The following PCDH17 variants were observed in gnomAD, a reference collection of about 807,000 sequenced individuals.
The protein encoded by PCDH17 is protocadherin 17.
A neutral mutation model predicts 67.7 loss-of-function variants in PCDH17; 21 were observed. The ratio of observed to expected loss-of-function variants is 0.31; its 90% confidence interval spans 0.22 to 0.45. The LOEUF is 0.45. Ranked by LOEUF, PCDH17 falls within the 20% of genes least tolerant of loss-of-function variation. The probability of loss-of-function intolerance (pLI) is 1.00; values close to 1 mark genes in which losing one functional copy is unlikely to be tolerated. For missense variants in PCDH17, 1,471 were observed against 1,564.8 expected (o/e 0.94, Z 1.01); for synonymous variants, 701 against 656.7 (o/e 1.07, Z -1.03).
intron 3 of PCDH17, among the ~76,000 whole-genome samples, chr13:57,671,445 T>C (rs1955321236): frequency 6.6e-6 from 1 of 151,878 alleles, no homozygotes; most frequent in Admixed American, 6.6e-5. Flanking sequence ...ATAAAACTTT[T>C]TTAAGAGTTT....
In PCDH17 at chr13:57,725,619, G is replaced by A. The variant is rs1377190829; in HGVS notation, c.*325G>A. On this transcript the variant is annotated 3_prime_UTR_variant, in exon 4 of 4. Transcript: ENST00000377918. Reference sequence around the variant, plus strand: ...TTACCTTTTGACAATCTGTTAGGAAGGTATGCAGTGTGAGAACTGAAGTAT... The same window carrying A: ...TTACCTTTTGACAATCTGTTAGGAAAGTATGCAGTGTGAGAACTGAAGTAT... The A allele has an allele frequency of 4.1e-6, 1 of 246,292 alleles. No individual in the cohort carries two copies. Among genetic ancestry groups the A allele is most frequent in the Non-Finnish European group, 7.9e-6 (1 of 126,890 alleles). 15.3% of individuals were successfully genotyped at this position (246,292 alleles called of 1,614,324 possible). A position where few individuals can be genotyped will look rare whatever the true frequency, so the allele number is the denominator to read the frequency against.
intron 3 of PCDH17, 112 bp from the exon 4 acceptor site, chr13:57,724,500 T>G (rs1171068455): frequency 1.3e-6 from 1 of 768,350 alleles, no homozygotes; most frequent in Non-Finnish European, 2.1e-6. Flanking sequence ...TTTTCCTTTT[T>G]AATTAAGAGA....
chr13:57,642,200 T>C (rs1191421589), intron 1 of PCDH17, among the ~76,000 whole-genome samples: 1 of 151,736 alleles, frequency 6.6e-6, no homozygotes, highest in Non-Finnish European at 1.5e-5. Context: ...TTTTAAACTT[T>C]TAATGTTTTT....
chr13:57,691,196 T>A (rs911692798), intron 3 of PCDH17, among the ~76,000 whole-genome samples: 4 of 151,360 alleles, frequency 2.6e-5, no homozygotes, highest in Non-Finnish European at 3.0e-5. Flanking sequence ...TGTTATTAAG[T>A]GAAAGAAATA....
chr13:57,632,539 G>A lies in PCDH17; in HGVS notation c.-8G>A, dbSNP rs1265269772. 1 of 1,611,714 alleles carries A rather than the reference G, an allele frequency of 6.2e-7. No homozygotes were observed. Among genetic ancestry groups the A allele is most frequent in the Non-Finnish European group, 8.5e-7 (1 of 1,178,886 alleles). On this transcript the variant is annotated 5_prime_UTR_variant, in exon 1 of 4. Coordinates refer to ENST00000377918, the MANE Select transcript of PCDH17 (RefSeq NM_001040429.3). Reference sequence around the variant, plus strand: ...CGATTGCTCCTGCCCCCACCTTACAGGTCTGGGATGTACCTTTCCATCTGT... The same window carrying A: ...CGATTGCTCCTGCCCCCACCTTACAAGTCTGGGATGTACCTTTCCATCTGT...
intron 3 of PCDH17, among the ~76,000 whole-genome samples, chr13:57,689,165 G>A (rs1305581488): frequency 6.6e-6 from 1 of 151,970 alleles, no homozygotes. Context: ...AACTTTTTCT[G>A]AGTACAAATG....
At chr13:57,655,823 A>G (rs1446969736) in intron 1 of PCDH17, among the ~76,000 whole-genome samples, 1 of 152,110 alleles carries the variant, frequency 6.6e-6, no homozygotes, top group African/African-American at 2.4e-5. Context: ...CTTGGTATTA[A>G]GGGGGATAGT....
intron 1 of PCDH17, among the ~76,000 whole-genome samples, chr13:57,665,238 A>T (rs959840034): frequency 5.3e-5 from 7 of 131,080 alleles, no homozygotes; most frequent in Non-Finnish European, 8.0e-5. Context: ...TTCTTTAATG[A>T]TATCAAATAA....
intron 3 of PCDH17, among the ~76,000 whole-genome samples, chr13:57,719,620 C>T (rs1955856726): frequency 6.6e-6 from 1 of 151,996 alleles, no homozygotes; most frequent in Non-Finnish European, 1.5e-5. Context: ...TAAGTGGTCA[C>T]AAATTACTTT....
intron 3 of PCDH17, among the ~76,000 whole-genome samples, chr13:57,690,313 T>G (rs1232007437): frequency 6.6e-6 from 1 of 151,840 alleles, no homozygotes; most frequent in Non-Finnish European, 1.5e-5. Flanking sequence ...CATATCCTTT[T>G]ATTGGAACAC....
chr13:57,683,044 C>T (rs1203819448), intron 3 of PCDH17, among the ~76,000 whole-genome samples: 1 of 151,802 alleles, frequency 6.6e-6, no homozygotes, highest in African/African-American at 2.4e-5. Context: ...TCTAAGGTTA[C>T]TAGAGCTTTT....
At chr13:57,691,865 G>A (rs1955562320) in intron 3 of PCDH17, among the ~76,000 whole-genome samples, 1 of 151,084 alleles carries the variant, frequency 6.6e-6, no homozygotes, top group Non-Finnish European at 1.5e-5. Flanking sequence ...TTATTGTTAT[G>A]CTGACTAATA....
intron 1 of PCDH17, among the ~76,000 whole-genome samples, chr13:57,648,878 A>G (rs1955001170): frequency 1.3e-5 from 2 of 152,100 alleles, no homozygotes; most frequent in Admixed American, 6.6e-5. Flanking sequence ...TTGCCAGTGT[A>G]AGTATAATAC....
chr13:57,648,333 T>C (rs1333754452), intron 1 of PCDH17, among the ~76,000 whole-genome samples: 1 of 151,956 alleles, frequency 6.6e-6, no homozygotes, highest in Admixed American at 6.6e-5. Context: ...AAAAGGTGCA[T>C]GAAAGCATTT....
intron 3 of PCDH17, among the ~76,000 whole-genome samples, chr13:57,701,223 A>G (rs956927472): frequency 1.1e-4 from 17 of 152,252 alleles, no homozygotes; most frequent in Admixed American, 7.8e-4. Context: ...TATCTTTCAC[A>G]GTTTATCAAA....
rs562350041 is a variant in PCDH17 at position 57,643,827 on chromosome 13, T to A, written c.2565+8716T>A. ...TGTTATATTAATGAATTTTTTTATTTTTGTGAGAGGTCAGTGCCTTGCCTC... is the reference window on the plus strand; with the variant it reads ...TGTTATATTAATGAATTTTTTTATTATTGTGAGAGGTCAGTGCCTTGCCTC... On this transcript the variant is annotated intron_variant, in intron 1 of 3. Transcript: ENST00000377918. Among the ~76,000 whole-genome samples, 63 of 151,796 alleles carry A rather than the reference T, an allele frequency of 4.2e-4. 1 individual carries two copies. Among genetic ancestry groups the A allele is most frequent in the African/African-American group, 1.5e-3 (63 of 41,500 alleles).
chr13:57,633,653 C>G lies in PCDH17; in HGVS notation c.1107C>G (p.Thr369=), dbSNP rs1347949830. 6.2e-7 allele frequency: 1 copy of G among 1,607,624 alleles called. No individual in the cohort carries two copies. The highest frequency in any genetic ancestry group is 8.5e-7 in the Non-Finnish European group (1 of 1,179,966). The change falls in exon 1 of 4, where the codon ACC becomes ACG. Residue 369 remains threonine, a synonymous_variant. Transcript: ENST00000377918. The surrounding 1 kb of genome is among the most constrained non-coding windows in gnomAD (Gnocchi z 6.2). ...TGAGCGAGGCCGCCCCTCCCGGCAC[C>G]GTCATCGCCCTGGTGCGGGTCACTG... is the stretch of plus-strand genomic sequence containing the variant. ...GALSEAAPPG[T]VIALVRVTDR... is the part of the protein sequence containing the mutation.
At chr13:57,683,791 G>A (rs1955480569) in intron 3 of PCDH17, among the ~76,000 whole-genome samples, 1 of 151,752 alleles carries the variant, frequency 6.6e-6, no homozygotes, top group Admixed American at 6.6e-5. Context: ...GATAGTAGTG[G>A]GCAGTTATTT....
intron 3 of PCDH17, among the ~76,000 whole-genome samples, chr13:57,721,633 C>A (rs1251947270): frequency 2.0e-5 from 3 of 152,004 alleles, no homozygotes; most frequent in Non-Finnish European, 4.4e-5. Flanking sequence ...TGAATACACC[C>A]CTTTTTGTCT....
Sources: gnomAD v4.1 joint callset for allele counts (sites outside exome capture counted in the v4.1 genomes callset) on GRCh38, gnomAD v4.1.1 for gene constraint, Gnocchi (gnomAD v3.1) non-coding constraint, MANE v1.5 for transcripts, NCBI Gene and HGNC (gene_info 2026-07-23, HGNC 2026-07-21) for gene names.